Variants in GRIK2 observed in about 807,000 individuals in gnomAD.
GRIK2 encodes the protein glutamate receptor ionotropic, kainate 2.
GRIK2 carries 32 observed loss-of-function variants against 100.3 expected under a neutral mutation model. The ratio of observed to expected loss-of-function variants is 0.32; its 90% CI spans 0.24 to 0.43. The LOEUF is 0.43. Among genes scored for constraint, GRIK2 ranks in the 20% least tolerant of loss-of-function variants. The pLI, the probability that GRIK2 is intolerant of heterozygous loss-of-function variation, is 1.00. For synonymous variants in GRIK2, 417 were observed against 389.4 expected, an observed-to-expected ratio of 1.07 and a Z score of -0.83; for missense variants, 843 against 1,114.9, an observed-to-expected ratio of 0.76 and a Z score of 3.47.
At position 101,811,299 on chromosome 6, in the gene GRIK2, G is replaced by A. The variant is rs184841055; in HGVS notation, c.1204-7071G>A. On this transcript the variant is annotated intron_variant, in intron 9 of 16. Transcript: ENST00000369134. ...TGGCTTATATTCTTTATTCAAGGCT[G>A]ACACATTCTCCTGACATTAAGTCAA... Among the ~76,000 whole-genome samples, 125 of 152,128 alleles carry A rather than the reference G, an allele frequency of 8.2e-4. 1 individual carries two copies. The highest frequency in any genetic ancestry group is 2.8e-3 in the African/African-American group (115 of 41,522).
At chr6:101,660,762 AG>A (rs1195829041) in intron 4 of GRIK2, among the ~76,000 whole-genome samples, 2 of 152,192 alleles carry the variant, frequency 1.3e-5, no homozygotes, top group African/African-American at 4.8e-5. Context: ...AGTTTGCTGG[AG>A]GTCCACTCCA....
intron 11 of GRIK2, among the ~76,000 whole-genome samples, chr6:101,867,918 A>G (rs541018335): frequency 1.3e-5 from 2 of 151,716 alleles, no homozygotes; most frequent in Non-Finnish European, 3.0e-5. Context: ...CAATTGTATC[A>G]TGAATTATTG....
chr6:101,843,416 T>C (rs1243975319), intron 10 of GRIK2, among the ~76,000 whole-genome samples: 1 of 152,238 alleles, frequency 6.6e-6, no homozygotes, highest in Non-Finnish European at 1.5e-5. Context: ...ATGAGTCATT[T>C]TCCCTCTTCA....
At chr6:101,814,010 C>G (rs1364723023) in intron 9 of GRIK2, among the ~76,000 whole-genome samples, 1 of 151,652 alleles carries the variant, frequency 6.6e-6, no homozygotes, top group Non-Finnish European at 1.5e-5. Flanking sequence ...GTATGTGTGG[C>G]AGCAGAATGG....
Position 101,818,393 on chromosome 6 carries a change from T to C in GRIK2, c.1227T>C (p.Ser409=). The C allele has an allele frequency of 6.2e-7, 1 of 1,606,526 alleles. No homozygotes were observed. Among genetic ancestry groups the C allele is most frequent in the African/African-American group, 1.3e-5 (1 of 74,906 alleles). Residue 409 remains serine, a synonymous_variant, in exon 10 of 17, where the codon AGT becomes AGC. Transcript: ENST00000369134. The part of the protein sequence containing the change: ...LEKIGTWDPA[S]GLNMTESQKG... The stretch of plus-strand genomic sequence containing the variant: ...AGATTGGAACGTGGGATCCAGCCAG[T>C]GGCCTGAATATGACAGAAAGTCAAA...
chr6:101,835,557 A>G (rs1490926007), intron 10 of GRIK2, among the ~76,000 whole-genome samples: 1 of 134,490 alleles, frequency 7.4e-6, no homozygotes, highest in Non-Finnish European at 1.5e-5. Flanking sequence ...TGCAACTTCC[A>G]TCCCCCGGGT....
intron 14 of GRIK2, among the ~76,000 whole-genome samples, chr6:101,996,234 A>G (rs142840863): frequency 2.0e-5 from 3 of 152,198 alleles, no homozygotes; most frequent in East Asian, 3.9e-4. Context: ...GATAAATACT[A>G]CTTCATACTT....
At chr6:101,968,958 A>G (rs1156552955) in intron 14 of GRIK2, among the ~76,000 whole-genome samples, 1 of 152,068 alleles carries the variant, frequency 6.6e-6, no homozygotes, top group Non-Finnish European at 1.5e-5. Flanking sequence ...TTGTAACTCA[A>G]TAGAGAAGAA....
At chr6:101,752,459 C>T (rs371261160) in intron 7 of GRIK2, among the ~76,000 whole-genome samples, 128 of 152,228 alleles carry the variant, frequency 8.4e-4, no homozygotes, top group Middle Eastern at 3.4e-3. Flanking sequence ...TCATTGCTTT[C>T]GACTTAGTCA....
At chr6:102,040,520 C>A (rs532946285) in intron 15 of GRIK2, among the ~76,000 whole-genome samples, 1 of 151,524 alleles carries the variant, frequency 6.6e-6, no homozygotes, top group East Asian at 2.0e-4. Flanking sequence ...AATGAAATTT[C>A]CTTTTTTTAC....
At chr6:101,992,859 G>A (rs912226823) in intron 14 of GRIK2, among the ~76,000 whole-genome samples, 1 of 151,438 alleles carries the variant, frequency 6.6e-6, no homozygotes, top group East Asian at 1.9e-4. Flanking sequence ...GAAGATTAAA[G>A]TAGCTTCCTT....
In GRIK2 at chr6:101,869,827, G is replaced by T. The variant is rs560755222; in HGVS notation, c.1524+10334G>T. Among the ~76,000 whole-genome samples, 7 of 151,890 alleles carry T rather than the reference G, an allele frequency of 4.6e-5. No individual in the cohort carries two copies. The East Asian group carries it at 1.2e-3, about 25-fold the overall frequency. On this transcript the variant is annotated intron_variant, in intron 11 of 16. Transcript: ENST00000369134. ...GTTCCAGTCATGTCCCAGTTTTACC[G>T]GTATAGAGGGGAATATTGATTGGTT...
At chr6:102,029,204 G>A (rs1294531086) in intron 14 of GRIK2, among the ~76,000 whole-genome samples, 1 of 151,086 alleles carries the variant, frequency 6.6e-6, no homozygotes, top group Non-Finnish European at 1.5e-5. Flanking sequence ...TGGCTGATCA[G>A]CTTAGTCCTT....
intron 4 of GRIK2, among the ~76,000 whole-genome samples, chr6:101,655,441 C>G (rs1249125971): frequency 6.6e-6 from 1 of 152,096 alleles, no homozygotes; most frequent in Non-Finnish European, 1.5e-5. Flanking sequence ...CAATTACTCA[C>G]AAGAAAAATA....
rs550805115 is a variant in GRIK2 at position 101,938,361 on chromosome 6, C to A, written c.2085+9729C>A. On this transcript the variant is annotated intron_variant, in intron 14 of 16. Coordinates refer to ENST00000369134, the MANE Select transcript of GRIK2 (RefSeq NM_021956.5). Reference sequence around the variant, plus strand: ...TCATCTCTGTTTATTTTACATTCTTCCCCTTAACTCCAGATAGATCAGGAA... The same window carrying A: ...TCATCTCTGTTTATTTTACATTCTTACCCTTAACTCCAGATAGATCAGGAA... Among the ~76,000 whole-genome samples the A allele has an allele frequency of 3.9e-5, 6 of 152,156 alleles. No homozygotes were observed. In the East Asian group the frequency reaches 1.2e-3, roughly 29 times the overall value.
At chr6:102,031,049 T>G (rs915488671) in intron 14 of GRIK2, among the ~76,000 whole-genome samples, 44 of 149,770 alleles carry the variant, frequency 2.9e-4, no homozygotes, top group African/African-American at 1.1e-3. Flanking sequence ...TCTTTTTATA[T>G]TTCAATAATT....
chr6:101,989,255 C>T lies in GRIK2; in HGVS notation c.2086-46086C>T, dbSNP rs1582675875. On this transcript the variant is annotated intron_variant, in intron 14 of 16. Coordinates refer to ENST00000369134, the MANE Select transcript of GRIK2 (RefSeq NM_021956.5). Reference sequence around the variant, plus strand: ...AGCAACATTAGGGTTTTAAAATGTTCCTTTATACCAGACCCTCAGGAGGTT... The same window carrying T: ...AGCAACATTAGGGTTTTAAAATGTTTCTTTATACCAGACCCTCAGGAGGTT... Among the ~76,000 whole-genome samples the T allele has an allele frequency of 3.3e-5, 5 of 150,530 alleles. No individual in the cohort carries two copies. The South Asian group carries it at 1.1e-3, about 32-fold the overall frequency.
intron 14 of GRIK2, among the ~76,000 whole-genome samples, chr6:102,000,443 C>T (rs745704375): frequency 6.6e-6 from 1 of 151,896 alleles, no homozygotes; most frequent in Non-Finnish European, 1.5e-5. Flanking sequence ...CTCTGGTAGT[C>T]CACAGTGCCT....
intron 4 of GRIK2, among the ~76,000 whole-genome samples, chr6:101,672,219 T>TG (rs1239613251): frequency 6.6e-6 from 1 of 152,138 alleles, no homozygotes; most frequent in Non-Finnish European, 1.5e-5. Context: ...GGAACAGCAA[T>TG]GATCTTGTTA....
Sources: gnomAD v4.1 joint callset for allele counts (sites outside exome capture counted in the v4.1 genomes callset) on GRCh38, gnomAD v4.1.1 for gene constraint, MANE v1.5 for transcripts, NCBI Gene and HGNC (gene_info 2026-07-23, HGNC 2026-07-21) for gene names.